HHAT: variants seen among roughly 807,000 people sequenced by gnomAD.
The protein encoded by HHAT is hedgehog acyltransferase.
Under a neutral mutation model 70.8 loss-of-function variants are expected in HHAT, and 47 were observed. The observed-to-expected ratio is 0.66, with a 90% CI of 0.53 to 0.85. The LOEUF (loss-of-function observed/expected upper bound fraction) is 0.85, where lower values mean the gene tolerates loss of function less well. HHAT is among the 40% of genes least tolerant of loss of function. The pLI, the probability that HHAT is intolerant of heterozygous loss-of-function variation, is 0.00. For missense variants in HHAT, 609 were observed against 604.8 expected (o/e 1.01, Z -0.07); for synonymous variants, 228 against 247.6 (o/e 0.92, Z 0.74).
chr1:210,382,680 G>C (rs1165582008), intron 3 of HHAT, among the ~76,000 whole-genome samples: 2 of 152,210 alleles, frequency 1.3e-5, no homozygotes, highest in Non-Finnish European at 2.9e-5. Flanking sequence ...TGGGGAGGTA[G>C]GTATGGGAAA....
At chr1:210,346,254 G>A (rs540150975) in intron 1 of HHAT, among the ~76,000 whole-genome samples, 7 of 152,112 alleles carry the variant, frequency 4.6e-5, no homozygotes, top group East Asian at 1.9e-4. Context: ...AATTTCAGTC[G>A]CCCAATTAGG....
At chr1:210,662,907 C>T (rs992527733) in intron 11 of HHAT, among the ~76,000 whole-genome samples, 4 of 152,100 alleles carry the variant, frequency 2.6e-5, no homozygotes, top group African/African-American at 9.7e-5. Context: ...TTAAAGACAA[C>T]TGTTTGTGCT....
intron 8 of HHAT, among the ~76,000 whole-genome samples, chr1:210,473,392 T>A (rs570099024): frequency 6.6e-6 from 1 of 152,238 alleles, no homozygotes; most frequent in East Asian, 1.9e-4. Context: ...TGAACTAGTT[T>A]TTCAGGTCTA....
chr1:210,357,834 A>G (rs572454760), intron 2 of HHAT, among the ~76,000 whole-genome samples: 1 of 152,136 alleles, frequency 6.6e-6, no homozygotes, highest in African/African-American at 2.4e-5. Flanking sequence ...AATAAAATAA[A>G]ATAAAATTTA....
chr1:210,524,739 A>AATG (rs765430986), intron 9 of HHAT, among the ~76,000 whole-genome samples: 7 of 152,110 alleles, frequency 4.6e-5, no homozygotes, highest in Non-Finnish European at 1.0e-4. Flanking sequence ...CTCAACCATG[A>AATG]CTGTGCTTCT....
intron 7 of HHAT, among the ~76,000 whole-genome samples, chr1:210,461,824 T>C (rs1236744345): frequency 2.0e-5 from 3 of 152,232 alleles, no homozygotes; most frequent in African/African-American, 4.8e-5. Flanking sequence ...GCCTTTCATA[T>C]CTTAAGCCGT....
At chr1:210,599,624 A>AT (rs369834517) in intron 10 of HHAT, among the ~76,000 whole-genome samples, 12 of 152,094 alleles carry the variant, frequency 7.9e-5, no homozygotes, top group Middle Eastern at 3.4e-3. Flanking sequence ...TAGATCTCGA[A>AT]TTTTTTTGTT....
chr1:210,674,178 C>A, intron 11 of HHAT, 110 bp from the exon 12 acceptor site: 3 of 816,044 alleles, frequency 3.7e-6, no homozygotes, highest in Non-Finnish European at 6.3e-6. Flanking sequence ...TTCCTGGAGG[C>A]CTTTGTTGTT....
intron 9 of HHAT, among the ~76,000 whole-genome samples, chr1:210,573,797 G>A (rs1296551105): frequency 6.6e-6 from 1 of 152,112 alleles, no homozygotes; most frequent in Non-Finnish European, 1.5e-5. Flanking sequence ...CTTTAGAGGA[G>A]AACACAGTGG....
intron 7 of HHAT, among the ~76,000 whole-genome samples, chr1:210,445,874 GCT>G (rs1176311143): frequency 6.9e-6 from 1 of 144,392 alleles, no homozygotes; most frequent in Non-Finnish European, 1.5e-5. Flanking sequence ...ACAGTTACAG[GCT>G]CTTTTTTTTT....
chr1:210,455,596 C>T lies in HHAT; in HGVS notation c.857-8909C>T, dbSNP rs1044845401. On this transcript the variant is annotated intron_variant, in intron 7 of 11. Coordinates refer to ENST00000261458, the MANE Select transcript of HHAT (RefSeq NM_018194.6). The stretch of plus-strand genomic sequence containing the variant: ...GAGACAGCTGACCCGATTCAAGTTC[C>T]GACCCTGCCACTTGTTACTGTGTGA... 7.9e-5 allele frequency among the ~76,000 whole-genome samples: 12 copies of T among 152,038 alleles called. No homozygotes were observed. In the East Asian group the frequency reaches 2.1e-3, roughly 27 times the overall value.
At chr1:210,420,060 C>T (rs2092849065) in intron 7 of HHAT, among the ~76,000 whole-genome samples, 1 of 152,216 alleles carries the variant, frequency 6.6e-6, no homozygotes, top group Non-Finnish European at 1.5e-5. Flanking sequence ...AGCTTAAGAA[C>T]TAACCAGAAT....
At chr1:210,524,195 T>C (rs1021582929) in intron 9 of HHAT, among the ~76,000 whole-genome samples, 1 of 152,216 alleles carries the variant, frequency 6.6e-6, no homozygotes, top group East Asian at 1.9e-4. Context: ...ATCAGTACTG[T>C]ATGGTGTACT....
Position 210,674,501 on chromosome 1 carries a change from T to G in HHAT, c.*122T>G. On this transcript the variant is annotated 3_prime_UTR_variant, in exon 12 of 12. Transcript: ENST00000261458. ...TCTGCTCATCTTCAGTTGAATGCCC[T>G]CACTCCAAGACTGGATGCTGGATCT... The G allele has an allele frequency of 1.4e-6, 1 of 695,992 alleles. No individual in the cohort carries two copies. Among genetic ancestry groups the G allele is most frequent in the East Asian group, 2.7e-5 (1 of 36,370 alleles). The allele number at this position is 695,992 out of a possible 1,614,324, so 43.1% of individuals were successfully genotyped here.
At chr1:210,574,172 T>A (rs1657074461) in intron 9 of HHAT, among the ~76,000 whole-genome samples, 2 of 152,186 alleles carry the variant, frequency 1.3e-5, no homozygotes, top group South Asian at 4.1e-4. Context: ...AATGCATGAA[T>A]CTTAAAGAGG....
chr1:210,503,212 G>A (rs2148551919), intron 8 of HHAT, among the ~76,000 whole-genome samples: 1 of 152,242 alleles, frequency 6.6e-6, no homozygotes, highest in East Asian at 1.9e-4. Context: ...TGTCCACTTT[G>A]GCCTTCCAAA....
intron 4 of HHAT, among the ~76,000 whole-genome samples, chr1:210,390,176 G>GAGAAAT (rs2091362011): frequency 6.6e-6 from 1 of 152,188 alleles, no homozygotes. Context: ...AAAAAAGAAA[G>GAGAAAT]AGAAATAGAG....
intron 8 of HHAT, among the ~76,000 whole-genome samples, chr1:210,508,147 C>T (rs531437424): frequency 1.0e-4 from 14 of 136,096 alleles, no homozygotes; most frequent in East Asian, 2.3e-4. Context: ...TGCAGCGAGC[C>T]GAGATCATGC....
chr1:210,619,960 C>G (rs1037077021), intron 10 of HHAT, among the ~76,000 whole-genome samples: 5 of 152,216 alleles, frequency 3.3e-5, no homozygotes, highest in African/African-American at 1.2e-4. Context: ...TTCTGGTATT[C>G]CCCCATTTCG....
Sources: allele counts gnomAD v4.1 joint callset (sites outside exome capture counted in the v4.1 genomes callset), GRCh38; gene constraint gnomAD v4.1.1; transcripts MANE v1.5; gene names NCBI Gene and HGNC (gene_info 2026-07-23, HGNC 2026-07-21).